The following PDE10A variants were observed in gnomAD, a reference collection of about 807,000 sequenced individuals.
PDE10A encodes cAMP and cAMP-inhibited cGMP 3',5'-cyclic phosphodiesterase 10A.
A neutral mutation model predicts 97.7 loss-of-function variants in PDE10A; 39 were observed. That is an observed-to-expected ratio of 0.40 (90% CI 0.31 to 0.52). The LOEUF is 0.52. Ranked by LOEUF, PDE10A falls within the 20% of genes least tolerant of loss-of-function variation. The pLI, the probability that PDE10A is intolerant of heterozygous loss-of-function variation, is 0.56. For synonymous variants in PDE10A, 371 were observed against 376.8 expected (o/e 0.98, Z 0.18); for missense variants, 731 against 1,047.8 (o/e 0.70, Z 4.17).
Position 165,329,693 on chromosome 6 carries a change from T to A in PDE10A, c.*3332A>T, listed in dbSNP as rs1210055956. On this transcript the variant is annotated 3_prime_UTR_variant, in exon 22 of 22. Transcript: ENST00000539869. ...AAAATGAAAAAAAATCTAAAAAGCA[T>A]GCCAAAAAAGAGGAAATCTATTATT... The A allele has an allele frequency of 6.6e-6, 1 of 152,126 alleles. No homozygotes were observed. The allele number at this position is 152,126 out of a possible 1,614,324, so 9.4% of individuals were successfully genotyped here.
chr6:165,823,150 C>A (rs1421348531), intron 1 of PDE10A, among the ~76,000 whole-genome samples: 8 of 151,698 alleles, frequency 5.3e-5, no homozygotes, highest in African/African-American at 1.7e-4. Context: ...TTTTTTTTAA[C>A]TTTTGGGCCC....
intron 1 of PDE10A, among the ~76,000 whole-genome samples, chr6:165,602,676 C>A (rs1787020011): frequency 6.6e-6 from 1 of 152,170 alleles, no homozygotes; most frequent in Non-Finnish European, 1.5e-5. Context: ...TTTCCATAAA[C>A]AGGGCACCCA....
chr6:165,347,556 G>T (rs1782398503), intron 18 of PDE10A, among the ~76,000 whole-genome samples: 1 of 152,106 alleles, frequency 6.6e-6, no homozygotes, highest in African/African-American at 2.4e-5. Context: ...TTAGGTAAAT[G>T]ACTACCACAG....
chr6:165,379,836 A>G (rs780821886), intron 17 of PDE10A, among the ~76,000 whole-genome samples: 2 of 152,218 alleles, frequency 1.3e-5, no homozygotes, highest in Non-Finnish European at 2.9e-5. Context: ...AACATGCTTA[A>G]TAGACAGTAA....
intron 1 of PDE10A, among the ~76,000 whole-genome samples, chr6:165,741,206 T>C (rs1359466367): frequency 6.6e-6 from 1 of 152,200 alleles, no homozygotes; most frequent in Non-Finnish European, 1.5e-5. Context: ...AATTTCACAG[T>C]ATGTACGTAT....
intron 2 of PDE10A, among the ~76,000 whole-genome samples, chr6:165,525,542 G>C (rs1782388462): frequency 6.6e-6 from 1 of 151,340 alleles, no homozygotes; most frequent in South Asian, 2.1e-4. Context: ...CCCAGCCTTA[G>C]AGGGTCCCGA....
chr6:165,796,549 G>C (rs747952043), intron 1 of PDE10A, among the ~76,000 whole-genome samples: 1 of 152,142 alleles, frequency 6.6e-6, no homozygotes, highest in Admixed American at 6.5e-5. Flanking sequence ...AAATCAATGT[G>C]GTTATGTGTA....
intron 1 of PDE10A, among the ~76,000 whole-genome samples, chr6:165,557,743 T>C (rs894342458): frequency 6.6e-6 from 1 of 152,202 alleles, no homozygotes; most frequent in African/African-American, 2.4e-5. Context: ...ATTTCCTCAA[T>C]GCAATGTAAT....
intron 1 of PDE10A, among the ~76,000 whole-genome samples, chr6:165,586,464 T>G (rs918720315): frequency 3.3e-5 from 5 of 152,198 alleles, no homozygotes; most frequent in Non-Finnish European, 7.3e-5. Flanking sequence ...CTTTCCCATT[T>G]TGCCATTTTC....
At chr6:165,644,810 T>C (rs1450436686) in intron 1 of PDE10A, among the ~76,000 whole-genome samples, 1 of 152,196 alleles carries the variant, frequency 6.6e-6, no homozygotes, top group East Asian at 1.9e-4. Context: ...CCCTGGCACT[T>C]GCCCACTTCT....
chr6:165,892,720 C>A (rs1341503940), intron 1 of PDE10A, among the ~76,000 whole-genome samples: 1 of 152,200 alleles, frequency 6.6e-6, no homozygotes, highest in East Asian at 1.9e-4. Context: ...CACTTCGAAG[C>A]ATTTCTCTCA....
chr6:165,831,491 T>TTA (rs1318690554), intron 1 of PDE10A, among the ~76,000 whole-genome samples: 1 of 149,402 alleles, frequency 6.7e-6, no homozygotes, highest in African/African-American at 2.5e-5. Context: ...TTTTTTTTTT[T>TTA]ATTTGAGACG....
intron 2 of PDE10A, among the ~76,000 whole-genome samples, chr6:165,539,697 G>A (rs1447596474): frequency 6.6e-6 from 1 of 152,118 alleles, no homozygotes. Flanking sequence ...TGGGGTGGGG[G>A]ATCACTTGAG....
chr6:165,439,621 T>C (rs1043343675), intron 5 of PDE10A, among the ~76,000 whole-genome samples: 10 of 152,232 alleles, frequency 6.6e-5, no homozygotes, highest in African/African-American at 2.4e-4. Flanking sequence ...GAATCAGCTT[T>C]TAAATTTTTC....
At chr6:165,635,816 G>A (rs1562648000) in intron 1 of PDE10A, among the ~76,000 whole-genome samples, 1 of 152,064 alleles carries the variant, frequency 6.6e-6, no homozygotes. Context: ...AACGATTAGA[G>A]AAAAATTATT....
In PDE10A at chr6:165,885,285, C is replaced by G. The variant is rs531094876; in HGVS notation, c.-615+102244G>C. Among the ~76,000 whole-genome samples the G allele has an allele frequency of 2.0e-3, 305 of 152,332 alleles. 2 individuals are homozygous for G. The highest frequency in any genetic ancestry group is 7.1e-3 in the African/African-American group (294 of 41,576). On this transcript the variant is annotated intron_variant, in intron 1 of 19. Coordinates refer to the PDE10A transcript ENST00000366882. ...GGCAGAGGAGGCCTCAGGAAACTTACAATCATGGCGGAAGGCAAAGGGGAA... is the reference window on the plus strand; with the variant it reads ...GGCAGAGGAGGCCTCAGGAAACTTAGAATCATGGCGGAAGGCAAAGGGGAA...
chr6:165,500,892 C>A (rs775577596), intron 2 of PDE10A, among the ~76,000 whole-genome samples: 2 of 152,186 alleles, frequency 1.3e-5, no homozygotes, highest in African/African-American at 4.8e-5. Flanking sequence ...CTGCTCTTTA[C>A]GGCACCCAGA....
intron 3 of PDE10A, among the ~76,000 whole-genome samples, chr6:165,459,269 C>T (rs1192767558): frequency 6.6e-6 from 1 of 152,006 alleles, no homozygotes; most frequent in East Asian, 1.9e-4. Context: ...CAAGTTGGCC[C>T]AGATTTGGCA....
At chr6:165,912,237 G>T (rs1357273401) in intron 1 of PDE10A, among the ~76,000 whole-genome samples, 1 of 151,498 alleles carries the variant, frequency 6.6e-6, no homozygotes, top group Non-Finnish European at 1.5e-5. Context: ...ACACACACAC[G>T]TATATGTATA....
Sources: allele counts gnomAD v4.1 joint callset (sites outside exome capture counted in the v4.1 genomes callset), GRCh38; gene constraint gnomAD v4.1.1; transcripts MANE v1.5; gene names NCBI Gene and HGNC (gene_info 2026-07-23, HGNC 2026-07-21).